The following SEPTIN11 variants were observed in gnomAD, a reference collection of about 807,000 sequenced individuals.
SEPTIN11 encodes septin-11.
SEPTIN11 carries 25 observed loss-of-function variants against 51.4 expected under a neutral mutation model. That is an observed-to-expected ratio of 0.49 (90% CI 0.35 to 0.68). The LOEUF (loss-of-function observed/expected upper bound fraction) is 0.68. SEPTIN11 is among the 30% of genes least tolerant of loss of function. SEPTIN11 has a pLI of 0.00. For missense variants in SEPTIN11, 381 were observed against 520.8 expected (o/e 0.73, Z 2.61); for synonymous variants, 174 against 184.1 (o/e 0.95, Z 0.44).
chr4:76,956,840 G>A (rs1044737170), intron 1 of SEPTIN11, among the ~76,000 whole-genome samples: 13 of 152,266 alleles, frequency 8.5e-5, no homozygotes, highest in African/African-American at 3.1e-4. Flanking sequence ...CAGTTGGCTA[G>A]ATTCCTAGTC....
At chr4:76,975,617 G>A (rs150831333) in intron 1 of SEPTIN11, among the ~76,000 whole-genome samples, 1 of 152,150 alleles carries the variant, frequency 6.6e-6, no homozygotes, top group Non-Finnish European at 1.5e-5. Context: ...CATCAGATCT[G>A]TATTTCATTC....
chr4:76,952,323 T>C (rs1295988563), intron 1 of SEPTIN11, among the ~76,000 whole-genome samples: 1 of 152,184 alleles, frequency 6.6e-6, no homozygotes. Context: ...CCGAAGTTGA[T>C]TTATGTGTGA....
chr4:77,034,000 T>C (rs1052971042), intron 9 of SEPTIN11, among the ~76,000 whole-genome samples: 1 of 152,178 alleles, frequency 6.6e-6, no homozygotes, highest in African/African-American at 2.4e-5. Context: ...ACTAGATTAA[T>C]AGCATGTCCT....
At chr4:77,039,792 A>G, downstream of SEPTIN11, 4 of 937,542 alleles carry the variant, frequency 4.3e-6, no homozygotes, top group East Asian at 4.7e-4. Context: ...CTTCCTTTAA[A>G]TTCAGGAACC....
chr4:77,023,004 A>G (rs1275215675), intron 7 of SEPTIN11, among the ~76,000 whole-genome samples: 1 of 152,082 alleles, frequency 6.6e-6, no homozygotes, highest in African/African-American at 2.4e-5. Context: ...CAGCATTTTA[A>G]TTAAGGCATT....
rs1477690015 is a variant in SEPTIN11 at position 77,034,703 on chromosome 4, C to G, written c.*191C>G. On this transcript the variant is annotated 3_prime_UTR_variant, in exon 10 of 10. Coordinates refer to ENST00000264893, the MANE Select transcript of SEPTIN11 (RefSeq NM_018243.4). ...AGAAAATGATAGAACAAGGGAATAACCGCGAATGCTCTGTGCAGCTGGACT... is the reference window on the plus strand; with the variant it reads ...AGAAAATGATAGAACAAGGGAATAAGCGCGAATGCTCTGTGCAGCTGGACT... The G allele has an allele frequency of 7.6e-7, 1 of 1,311,742 alleles. No homozygotes were observed. Among genetic ancestry groups the G allele is most frequent in the East Asian group, 3.2e-5 (1 of 31,564 alleles). The allele number at this position is 1,311,742 out of a possible 1,614,324, so 81.3% of individuals were successfully genotyped here.
At chr4:77,005,050 G>A (rs1724387676) in intron 2 of SEPTIN11, among the ~76,000 whole-genome samples, 1 of 152,174 alleles carries the variant, frequency 6.6e-6, no homozygotes, top group African/African-American at 2.4e-5. Context: ...GGCACAAAGT[G>A]AGCACTCAGT....
chr4:76,995,085 TAA>T (rs34406268), intron 1 of SEPTIN11, among the ~76,000 whole-genome samples: 136 of 137,058 alleles, frequency 9.9e-4, no homozygotes, highest in Admixed American at 1.2e-3. Context: ...ACCCTGTCTC[TAA>T]AAAAAAAAAA....
At chr4:76,950,019 G>A (rs5859552) in intron 1 of SEPTIN11, 89 bp downstream of exon 1, 6 of 1,274,166 alleles carry the variant, frequency 4.7e-6, no homozygotes, top group Non-Finnish European at 6.0e-6. Flanking sequence ...GGGGAGCCGG[G>A]CGGGTGCTCG....
intron 1 of SEPTIN11, chr4:76,974,712 T>G (rs1285392278): frequency 4.4e-6 from 2 of 456,176 alleles, no homozygotes; most frequent in Non-Finnish European, 8.8e-6. Flanking sequence ...GGACACTGGT[T>G]TATTTATGGT....
chr4:77,007,621 A>G (rs1450081374), intron 3 of SEPTIN11, among the ~76,000 whole-genome samples: 2 of 152,148 alleles, frequency 1.3e-5, no homozygotes, highest in Non-Finnish European at 1.5e-5. Context: ...AAATTATCTG[A>G]CTCATTTGGG....
chr4:77,000,338 G>A lies in SEPTIN11; in HGVS notation c.142+3799G>A, dbSNP rs374914207. On this transcript the variant is annotated intron_variant, in intron 2 of 9. Transcript: ENST00000264893. The stretch of plus-strand genomic sequence containing the variant: ...ATCAAATCTTAAACATTTTTATCCC[G>A]TCTTGTTTTTCCAGGAAAGGATGTA... Among the ~76,000 whole-genome samples the A allele has an allele frequency of 1.2e-4, 18 of 152,254 alleles. No individual in the cohort carries two copies. In the East Asian group the frequency reaches 2.5e-3, roughly 21 times the overall value.
At position 76,950,190 on chromosome 4, in the gene SEPTIN11, T is replaced by C. The variant is rs115311437; in HGVS notation, c.27+260T>C. 8.3e-3 allele frequency among the ~76,000 whole-genome samples: 1,260 copies of C among 152,256 alleles called. 11 individuals are homozygous for C. The highest frequency in any genetic ancestry group is 0.029 in the African/African-American group (1,190 of 41,554). On this transcript the variant is annotated intron_variant, in intron 1 of 9. Coordinates refer to ENST00000264893, the MANE Select transcript of SEPTIN11 (RefSeq NM_018243.4). ...CGAAAGAAAAAGGACCCCTCTCCTG[T>C]TCCCTTTAAAATAATTCTTTGAGGC...
intron 1 of SEPTIN11, among the ~76,000 whole-genome samples, chr4:76,980,598 C>T (rs895082320): frequency 2.0e-5 from 3 of 152,162 alleles, no homozygotes; most frequent in Admixed American, 2.0e-4. Context: ...CAGTGAGATA[C>T]GTGGTCTGAC....
chr4:76,972,119 T>G (rs924012073), intron 1 of SEPTIN11, among the ~76,000 whole-genome samples: 1 of 152,196 alleles, frequency 6.6e-6, no homozygotes, highest in African/African-American at 2.4e-5. Flanking sequence ...ATCCTTACCT[T>G]CCTCCACTAC....
chr4:77,017,771 C>G (rs972162081), intron 5 of SEPTIN11, among the ~76,000 whole-genome samples: 1 of 152,166 alleles, frequency 6.6e-6, no homozygotes, highest in African/African-American at 2.4e-5. Context: ...TATTTCAAAT[C>G]TTATTCTTAC....
intron 1 of SEPTIN11, among the ~76,000 whole-genome samples, chr4:76,992,810 C>A (rs1166464695): frequency 6.6e-6 from 1 of 152,114 alleles, no homozygotes; most frequent in Non-Finnish European, 1.5e-5. Context: ...TAAACACTGG[C>A]TGTAAGGGCC....
chr4:76,964,379 T>C (rs990994081), intron 1 of SEPTIN11, among the ~76,000 whole-genome samples: 1 of 151,394 alleles, frequency 6.6e-6, no homozygotes, highest in African/African-American at 2.4e-5. Context: ...CCATTCTCTT[T>C]AGCCTCCTCG....
At position 77,024,416 on chromosome 4, in the gene SEPTIN11, ACCCAGGCG is replaced by A. The variant is rs1725957365; in HGVS notation, c.953+3747_953+3754del. Among the ~76,000 whole-genome samples, 3 of 150,714 alleles carry A rather than the reference ACCCAGGCG, an allele frequency of 2.0e-5. No individual in the cohort carries two copies. The highest frequency in any genetic ancestry group is 7.4e-5 in the African/African-American group (3 of 40,426). ...ACCCAGAGCACCCATGCTTCCCTGG[ACCCAGGCG>A]TCTCCTTCCTCCAGACCCCAGCCCC... On this transcript the variant is annotated intron_variant, in intron 7 of 9. Transcript: ENST00000264893. The surrounding 1 kb of genome is among the most constrained non-coding windows in gnomAD (Gnocchi z 4.2).
Sources: allele counts gnomAD v4.1 joint callset (sites outside exome capture counted in the v4.1 genomes callset), GRCh38; gene constraint gnomAD v4.1.1; non-coding constraint Gnocchi (gnomAD v3.1); transcripts MANE v1.5; gene names NCBI Gene and HGNC (gene_info 2026-07-23, HGNC 2026-07-21).